Variants in PTPRT observed in about 807,000 individuals in gnomAD.
PTPRT encodes the protein receptor-type tyrosine-protein phosphatase T.
PTPRT carries 56 observed loss-of-function variants against 176.8 expected under a neutral mutation model. The observed-to-expected ratio is 0.32, with a 90% CI of 0.26 to 0.40. PTPRT has a LOEUF of 0.40. Ranked by LOEUF, PTPRT falls within the 10% of genes least tolerant of loss-of-function variation. The pLI is 1.00. For synonymous variants in PTPRT, 783 were observed against 739.0 expected (o/e 1.06, Z -0.96); for missense variants, 1,540 against 1,908.2 (o/e 0.81, Z 3.60).
intron 8 of PTPRT, 102 bp downstream of exon 8, chr20:42,472,164 A>T: frequency 7.6e-7 from 1 of 1,319,116 alleles, no homozygotes; most frequent in Non-Finnish European, 1.0e-6. Flanking sequence ...GTGTGAGGGA[A>T]TTAAAAATGT....
chr20:42,775,184 T>C (rs548262206), intron 4 of PTPRT, among the ~76,000 whole-genome samples: 2 of 152,280 alleles, frequency 1.3e-5, no homozygotes, highest in African/African-American at 2.4e-5. Context: ...GGCTGTGCAT[T>C]TGGGGCAAAA....
intron 1 of PTPRT, among the ~76,000 whole-genome samples, chr20:43,086,086 G>T (rs943822343): frequency 6.6e-6 from 1 of 152,158 alleles, no homozygotes; most frequent in Non-Finnish European, 1.5e-5. Flanking sequence ...TAAAGGGCAA[G>T]ACCAAAGGAA....
In PTPRT at chr20:42,547,918, T is replaced by C. The variant is rs909314634; in HGVS notation, c.1154-75356A>G. 5.3e-5 allele frequency among the ~76,000 whole-genome samples: 8 copies of C among 152,056 alleles called. 1 individual carries two copies. Among genetic ancestry groups the C allele is most frequent in the African/African-American group, 1.9e-4 (8 of 41,442 alleles). On this transcript the variant is annotated intron_variant, in intron 7 of 30. Transcript: ENST00000373187. ...AACTCCAGAAAATCAATAGCATTTT[T>C]CTACACCATCAATAAGTAACTAAAA...
chr20:42,837,093 T>C (rs1424935949), intron 2 of PTPRT, among the ~76,000 whole-genome samples: 4 of 152,094 alleles, frequency 2.6e-5, no homozygotes, highest in Non-Finnish European at 5.9e-5. Context: ...TTCCTGCCCA[T>C]ATTATAGATG....
intron 27 of PTPRT, among the ~76,000 whole-genome samples, chr20:42,097,587 C>T (rs1353106390): frequency 6.6e-6 from 1 of 152,188 alleles, no homozygotes; most frequent in African/African-American, 2.4e-5. Flanking sequence ...GGACAATGTG[C>T]TCATCTGTCT....
chr20:42,812,694 T>C (rs984464422), intron 2 of PTPRT, among the ~76,000 whole-genome samples: 2 of 152,150 alleles, frequency 1.3e-5, no homozygotes, highest in African/African-American at 4.8e-5. Flanking sequence ...CTGTTATATA[T>C]ACTAGACATG....
chr20:42,936,994 C>T (rs77507503), intron 1 of PTPRT, among the ~76,000 whole-genome samples: 3,316 of 152,250 alleles, frequency 0.022, 48 homozygotes, highest in South Asian at 0.037. Context: ...ACAGCACACT[C>T]GAGCCTCAGT....
chr20:42,902,736 G>C (rs2079422613), intron 1 of PTPRT, among the ~76,000 whole-genome samples: 1 of 152,176 alleles, frequency 6.6e-6, no homozygotes, highest in Non-Finnish European at 1.5e-5. Flanking sequence ...CTGCAAGGCT[G>C]CACAGCTTAT....
At chr20:42,833,818 C>T (rs1051013398) in intron 2 of PTPRT, among the ~76,000 whole-genome samples, 2 of 151,924 alleles carry the variant, frequency 1.3e-5, no homozygotes, top group Non-Finnish European at 2.9e-5. Context: ...TCACACGGAG[C>T]GGGGGGAAGA....
At chr20:42,736,318 G>A (rs2076539324) in intron 6 of PTPRT, among the ~76,000 whole-genome samples, 1 of 152,332 alleles carries the variant, frequency 6.6e-6, no homozygotes, top group African/African-American at 2.4e-5. Context: ...GAACTATCTG[G>A]GCTGGTCTCC....
intron 1 of PTPRT, among the ~76,000 whole-genome samples, chr20:43,035,354 G>T (rs932910388): frequency 2.0e-5 from 3 of 152,322 alleles, no homozygotes; most frequent in Non-Finnish European, 4.4e-5. Context: ...TCAGCAAAAG[G>T]CTTCTGTAAA....
At chr20:42,163,495 G>A (rs1989698377) in intron 16 of PTPRT, among the ~76,000 whole-genome samples, 1 of 152,194 alleles carries the variant, frequency 6.6e-6, no homozygotes, top group African/African-American at 2.4e-5. Context: ...TGGCAAACAT[G>A]GGGGTGTTCC....
chr20:43,093,533 C>G (rs1210423397), intron 1 of PTPRT, among the ~76,000 whole-genome samples: 1 of 152,230 alleles, frequency 6.6e-6, no homozygotes, highest in Non-Finnish European at 1.5e-5. Flanking sequence ...GGTGTATGCT[C>G]ACACGCATGC....
In PTPRT at chr20:42,780,315, C is replaced by CG; in HGVS notation, c.487-17dup. 1 of 1,604,602 alleles carries CG rather than the reference C, an allele frequency of 6.2e-7. No individual in the cohort carries two copies. ...CAAATATCACCTGCAACACACAGGG[C>CG]GGGAGTCAATTTCACAGAAACAGTT... On this transcript the variant is annotated splice_polypyrimidine_tract_variant and intron_variant, in intron 3 of 30. Transcript: ENST00000373187.
At chr20:43,109,595 A>G (rs959029188) in intron 1 of PTPRT, among the ~76,000 whole-genome samples, 3 of 152,204 alleles carry the variant, frequency 2.0e-5, no homozygotes, top group Non-Finnish European at 2.9e-5. Context: ...CAAGTCAGAC[A>G]TGGTCCCTTC....
At chr20:42,990,711 T>TG (rs1382612100) in intron 1 of PTPRT, among the ~76,000 whole-genome samples, 1 of 152,186 alleles carries the variant, frequency 6.6e-6, no homozygotes. Flanking sequence ...ACTTTGAAAA[T>TG]GTAGGTACTG....
chr20:42,492,831 G>T (rs767108429), intron 7 of PTPRT, among the ~76,000 whole-genome samples: 1 of 152,120 alleles, frequency 6.6e-6, no homozygotes, highest in Non-Finnish European at 1.5e-5. Context: ...TGATGATTTT[G>T]AGTGTGCTCA....
chr20:42,265,555 C>T (rs1438223860), intron 13 of PTPRT, among the ~76,000 whole-genome samples: 4 of 152,164 alleles, frequency 2.6e-5, no homozygotes, highest in African/African-American at 9.7e-5. Context: ...TGCCCCCTCT[C>T]TCCTGACAGG....
chr20:42,886,032 A>C, intron 1 of PTPRT, 100 bp from the exon 2 acceptor site: 1 of 870,926 alleles, frequency 1.1e-6, no homozygotes, highest in South Asian at 3.4e-5. Context: ...TGAATTTTAA[A>C]CTCTGGAGAA....
Sources: allele counts gnomAD v4.1 joint callset (sites outside exome capture counted in the v4.1 genomes callset), GRCh38; gene constraint gnomAD v4.1.1; transcripts MANE v1.5; gene names NCBI Gene and HGNC (gene_info 2026-07-23, HGNC 2026-07-21).